Variants in PARD6G observed in about 807,000 individuals in gnomAD.
PARD6G encodes the protein par-6 family cell polarity regulator gamma, also known as partitioning defective 6 homolog gamma.
In PARD6G, 7 loss-of-function variants were observed where a neutral mutation model predicts 10.7. That is an observed-to-expected ratio of 0.66 (90% confidence interval 0.37 to 1.23). The LOEUF (loss-of-function observed/expected upper bound fraction) is 1.23, where lower values mean the gene tolerates loss of function less well. Ranked by LOEUF, PARD6G falls within the 50% of genes most tolerant of loss-of-function variation. The probability of loss-of-function intolerance (pLI) is 0.02; values close to 1 mark genes in which losing one functional copy is unlikely to be tolerated. For missense variants in PARD6G, 548 were observed against 571.8 expected, an observed-to-expected ratio of 0.96 and a Z score of 0.42; for synonymous variants, 287 against 269.4, an observed-to-expected ratio of 1.07 and a Z score of -0.64.
chr18:80,235,599 T>C (rs570127310), intron 1 of PARD6G, among the ~76,000 whole-genome samples: 38 of 151,930 alleles, frequency 2.5e-4, no homozygotes, highest in African/African-American at 8.7e-4. Context: ...TCAACAAAAT[T>C]GATAGACCGC....
chr18:80,239,804 C>A (rs576509843), intron 1 of PARD6G, among the ~76,000 whole-genome samples: 1 of 152,220 alleles, frequency 6.6e-6, no homozygotes, highest in African/African-American at 2.4e-5. Flanking sequence ...AGGGATGCCC[C>A]GGCAATGAGC....
At chr18:80,237,852 T>A (rs2145306075) in intron 1 of PARD6G, among the ~76,000 whole-genome samples, 1 of 152,180 alleles carries the variant, frequency 6.6e-6, no homozygotes, top group East Asian at 1.9e-4. Context: ...AAACAACAGG[T>A]GCTGGAGAGG....
In PARD6G at chr18:80,175,392, C is replaced by T. The variant is rs1359601293; in HGVS notation, c.296-14786G>A. ...TGGGGAGGGCTCTCTTCCCGGCTTA[C>T]AGACAGCTGCCTTCTTCCTGTATCC... On this transcript the variant is annotated intron_variant, in intron 2 of 2. Transcript: ENST00000353265. This position sits in a 1 kb window ranked among gnomAD's most constrained non-coding sequence, Gnocchi z 6.7. Among the ~76,000 whole-genome samples the T allele has an allele frequency of 6.6e-6, 1 of 152,186 alleles. No individual in the cohort carries two copies. The highest frequency in any genetic ancestry group is 6.5e-5 in the Admixed American group (1 of 15,284).
chr18:80,177,873 A>C (rs1255369954), intron 2 of PARD6G, among the ~76,000 whole-genome samples: 16 of 151,648 alleles, frequency 1.1e-4, no homozygotes, highest in Non-Finnish European at 1.9e-4. Flanking sequence ...ATGTGCACAC[A>C]CACCCACCAC....
Position 80,159,812 on chromosome 18 carries a change from G to C in PARD6G, c.1090C>G (p.Pro364Ala). 6.8e-7 allele frequency: 1 copy of C among 1,464,936 alleles called. No homozygotes were observed. Among genetic ancestry groups the C allele is most frequent in the Non-Finnish European group, 9.0e-7 (1 of 1,113,946 alleles). The allele number at this position is 1,464,936 out of a possible 1,614,324, so 90.7% of individuals were successfully genotyped here. A position where few individuals can be genotyped will look rare whatever the true frequency, so the allele number is the denominator to read the frequency against. The part of the protein sequence containing the change: ...ADPRHSLALP[P>A]GGVEEHGPAV... ...GGCCCGTGCTCCTCCACGCCGCCTG[G>C]CGGCAGCGCCAGGCTGTGACGGGGG... The change falls in exon 3 of 3, where the codon CCA becomes GCA. Residue 364 changes from proline to alanine, a missense_variant. Around this residue, in one of 2 missense-constraint regions of PARD6G, gnomAD observed 313 missense variants for 279.9 expected, o/e 1.12. Coordinates refer to ENST00000353265, the MANE Select transcript of PARD6G (RefSeq NM_032510.4).
intron 2 of PARD6G, among the ~76,000 whole-genome samples, chr18:80,166,080 A>G (rs977408509): frequency 1.3e-5 from 2 of 150,940 alleles, no homozygotes; most frequent in African/African-American, 2.4e-5. Flanking sequence ...CTCCATCTCA[A>G]AAAAAAAAAT....
chr18:80,230,548 G>A (rs530376235), intron 1 of PARD6G, among the ~76,000 whole-genome samples: 6 of 152,306 alleles, frequency 3.9e-5, no homozygotes, highest in South Asian at 2.1e-4. Flanking sequence ...TGGTGCAGCC[G>A]TTGGCACTCG....
chr18:80,160,111 CCCAACGCGCGG>C lies in PARD6G; in HGVS notation c.780_790del (p.Arg261GlnfsTer33). Reference sequence around the variant, plus strand: ...GCCGTCCGAGGGCGGTCCCGAGCTGCCCAACGCGCGGCCGCCGCGCACCACGTTGTTGCGCT... The same window carrying C: ...GCCGTCCGAGGGCGGTCCCGAGCTGCCCGCCGCGCACCACGTTGTTGCGCT... On this transcript the variant is annotated frameshift_variant, in exon 3 of 3. Coordinates refer to ENST00000353265, the MANE Select transcript of PARD6G (RefSeq NM_032510.4). LOFTEE classifies it low-confidence loss of function (END_TRUNC). 6.2e-7 allele frequency: 1 copy of C among 1,610,398 alleles called. No individual in the cohort carries two copies. Among genetic ancestry groups the C allele is most frequent in the South Asian group, 1.1e-5 (1 of 90,798 alleles).
chr18:80,211,072 T>A (rs750269391), intron 1 of PARD6G, among the ~76,000 whole-genome samples: 7 of 152,206 alleles, frequency 4.6e-5, no homozygotes, highest in Non-Finnish European at 1.0e-4. Flanking sequence ...AGTAGCATTT[T>A]TTTCTTTTTT....
intron 2 of PARD6G, among the ~76,000 whole-genome samples, chr18:80,168,591 G>GTGTC: frequency 1.3e-5 from 2 of 151,216 alleles, no homozygotes; most frequent in East Asian, 3.9e-4. Flanking sequence ...GTGTGTGTGT[G>GTGTC]TGTGTGTGTG....
intron 1 of PARD6G, among the ~76,000 whole-genome samples, chr18:80,219,005 C>T (rs2145292660): frequency 6.6e-6 from 1 of 152,378 alleles, no homozygotes; most frequent in South Asian, 2.1e-4. Context: ...AGGCTGCAGA[C>T]AGCAGGGTAG....
chr18:80,170,389 G>A (rs1313380064), intron 2 of PARD6G: 2 of 152,302 alleles, frequency 1.3e-5, no homozygotes, highest in East Asian at 1.9e-4. Flanking sequence ...ACCTGGCCAC[G>A]ATCCCCAGCA....
intron 2 of PARD6G, among the ~76,000 whole-genome samples, chr18:80,199,829 G>GAGAT (rs1252378953): frequency 6.6e-6 from 1 of 152,066 alleles, no homozygotes; most frequent in African/African-American, 2.4e-5. Flanking sequence ...TTTTTTAGTA[G>GAGAT]AGATAGGGTT....
In PARD6G at chr18:80,180,308, C is replaced by G. The variant is rs895435534; in HGVS notation, c.296-19702G>C. ...GGAAGTTCCTGTCAGGAGAGGCAGG[C>G]AGGGCGTGGGCAGCGACAGCTGGGG... On this transcript the variant is annotated intron_variant, in intron 2 of 2. Transcript: ENST00000353265. This position sits in a 1 kb window ranked among gnomAD's most constrained non-coding sequence, Gnocchi z 5.6. Among the ~76,000 whole-genome samples, 5 of 152,214 alleles carry G rather than the reference C, an allele frequency of 3.3e-5. No individual in the cohort carries two copies. The highest frequency in any genetic ancestry group is 5.9e-5 in the Non-Finnish European group (4 of 68,020).
rs1237354398 is a variant in PARD6G at position 80,175,593 on chromosome 18, C to T, written c.296-14987G>A. On this transcript the variant is annotated intron_variant, in intron 2 of 2. Coordinates refer to ENST00000353265, the MANE Select transcript of PARD6G (RefSeq NM_032510.4). This position sits in a 1 kb window ranked among gnomAD's most constrained non-coding sequence, Gnocchi z 6.7. ...ACTTCGACATCAGAACCTGGGGTGA[C>T]GTATCGATTCAGTGCACTACGCACA... Among the ~76,000 whole-genome samples, 5 of 152,224 alleles carry T rather than the reference C, an allele frequency of 3.3e-5. No homozygotes were observed. The highest frequency in any genetic ancestry group is 6.5e-5 in the Admixed American group (1 of 15,278).
rs1004373088 is a variant in PARD6G at position 80,184,390 on chromosome 18, T to A, written c.295+18320A>T. The stretch of plus-strand genomic sequence containing the variant: ...GAGGTGGAAACAACCCCGATGTCCA[T>A]CAACTGATGAACCAACCGATGAACA... On this transcript the variant is annotated intron_variant, in intron 2 of 2. Transcript: ENST00000353265. This position sits in a 1 kb window ranked among gnomAD's most constrained non-coding sequence, Gnocchi z 4.5. 1 of 152,240 alleles carries A rather than the reference T, an allele frequency of 6.6e-6. No homozygotes were observed. Among genetic ancestry groups the A allele is most frequent in the Non-Finnish European group, 1.5e-5 (1 of 68,066 alleles). 9.4% of individuals were successfully genotyped at this position (152,240 alleles called of 1,614,324 possible).
At chr18:80,194,301 T>C (rs1178701288) in intron 2 of PARD6G, among the ~76,000 whole-genome samples, 1 of 152,200 alleles carries the variant, frequency 6.6e-6, no homozygotes, top group African/African-American at 2.4e-5. Flanking sequence ...TCGCTACCTC[T>C]GCATCCTCTA....
chr18:80,224,643 C>G (rs911682100), intron 1 of PARD6G, among the ~76,000 whole-genome samples: 14 of 152,194 alleles, frequency 9.2e-5, no homozygotes, highest in African/African-American at 2.9e-4. Context: ...GTCAGCAGTT[C>G]AAGACCAACC....
rs977103398 is a variant in PARD6G, at chr18:80,228,093, C to A, written c.72+19184G>T. The stretch of plus-strand genomic sequence containing the variant: ...AAGAGAGCTCAGTATACAGTAGATA[C>A]TAAAAACATTTACTAAACGACAGGT... On this transcript the variant is annotated intron_variant, in intron 1 of 2. Coordinates refer to ENST00000353265, the MANE Select transcript of PARD6G (RefSeq NM_032510.4). This position sits in a 1 kb window ranked among gnomAD's most constrained non-coding sequence, Gnocchi z 4.6. 6.6e-6 allele frequency among the ~76,000 whole-genome samples: 1 copy of A among 152,100 alleles called. No individual in the cohort carries two copies. Among genetic ancestry groups the A allele is most frequent in the African/African-American group, 2.4e-5 (1 of 41,418 alleles).
Sources: allele counts gnomAD v4.1 joint callset (sites outside exome capture counted in the v4.1 genomes callset), GRCh38; gene constraint gnomAD v4.1.1; regional missense constraint gnomAD v4.1.1; non-coding constraint Gnocchi (gnomAD v3.1); transcripts MANE v1.5; gene names NCBI Gene and HGNC (gene_info 2026-07-23, HGNC 2026-07-21).